SENP1: variants seen among roughly 807,000 people sequenced by gnomAD.
SENP1 encodes SUMO specific peptidase 1, also known as sentrin-specific protease 1.
In SENP1, 21 loss-of-function variants were observed where a neutral mutation model predicts 93.0. The ratio of observed to expected loss-of-function variants is 0.23; its 90% CI spans 0.16 to 0.33. The LOEUF (loss-of-function observed/expected upper bound fraction) is 0.33. Ranked by LOEUF, SENP1 falls within the 10% of genes least tolerant of loss-of-function variation. The probability of loss-of-function intolerance (pLI) is 1.00; values close to 1 mark genes in which losing one functional copy is unlikely to be tolerated. For synonymous variants in SENP1, 256 were observed against 259.6 expected (o/e 0.99, Z 0.13); for missense variants, 591 against 758.7 (o/e 0.78, Z 2.60).
intron 5 of SENP1, among the ~76,000 whole-genome samples, chr12:48,084,662 G>A (rs574485797): frequency 1.3e-5 from 2 of 152,124 alleles, no homozygotes; most frequent in African/African-American, 4.8e-5. Flanking sequence ...TAGCTAGGCT[G>A]ATCTTGAACT....
chr12:48,072,910 A>G (rs911841900), intron 8 of SENP1, among the ~76,000 whole-genome samples: 2 of 151,886 alleles, frequency 1.3e-5, no homozygotes, highest in African/African-American at 2.4e-5. Context: ...CCCCCCACAG[A>G]TAAGGGGGAA....
chr12:48,093,289 T>A (rs1017566773), intron 4 of SENP1, among the ~76,000 whole-genome samples: 2 of 150,764 alleles, frequency 1.3e-5, no homozygotes, highest in Non-Finnish European at 3.0e-5. Flanking sequence ...GGTTTTTTTT[T>A]TTTTTTTTTT....
In SENP1 at chr12:48,104,668, A is replaced by G. The variant is rs976715190; in HGVS notation, c.-45+1360T>C. 2.6e-5 allele frequency among the ~76,000 whole-genome samples: 4 copies of G among 152,116 alleles called. No homozygotes were observed. The South Asian group carries it at 8.3e-4, about 31-fold the overall frequency. On this transcript the variant is annotated intron_variant, in intron 1 of 17. Transcript: ENST00000549518. ...CAGATCCATAAACAGGTACCGCAAG[A>G]CAGTAGAGCTGGTACAACTGATAGA...
chr12:48,106,078 GCAAAACCCGGGAAC>G, exon 1 of SENP1: 1 of 702,546 alleles, frequency 1.4e-6, no homozygotes, highest in Non-Finnish European at 2.6e-6. Flanking sequence ...GGCGCGGAAC[GCAAAACCCGGGAAC>G]CGCCGCGAAC....
chr12:48,089,140 A>G lies in SENP1; in HGVS notation c.221-180T>C, dbSNP rs368249591. The stretch of plus-strand genomic sequence containing the variant: ...TGCAGTAGGGGAACTTCTACAAACT[A>G]TAATTGATTCAGCCATACTAACCTG... On this transcript the variant is annotated intron_variant, in intron 4 of 17. Coordinates refer to ENST00000549518, the MANE Select transcript of SENP1 (RefSeq NM_001267594.2). 5.1e-6 allele frequency: 8 copies of G among 1,575,074 alleles called. No individual in the cohort carries two copies. In the East Asian group the frequency reaches 1.8e-4, roughly 36 times the overall value.
In SENP1 at chr12:48,084,449, T is replaced by G. The variant is rs891936188; in HGVS notation, c.381-687A>C. Reference sequence around the variant, plus strand: ...TATCTAAGGCTTACTAATTTTGAGTTTTTTTTTTTTTTTTTTTTGAGATGG... The same window carrying G: ...TATCTAAGGCTTACTAATTTTGAGTGTTTTTTTTTTTTTTTTTTGAGATGG... On this transcript the variant is annotated intron_variant, in intron 5 of 17. Coordinates refer to ENST00000549518, the MANE Select transcript of SENP1 (RefSeq NM_001267594.2). 2.7e-3 allele frequency among the ~76,000 whole-genome samples: 75 copies of G among 27,438 alleles called. 1 individual carries two copies. Among genetic ancestry groups the G allele is most frequent in the African/African-American group, 0.015 (71 of 4,758 alleles). The allele number at this position is 27,438 out of a possible 152,430, so 18.0% of individuals were successfully genotyped here. A position where few individuals can be genotyped will look rare whatever the true frequency, so the allele number is the denominator to read the frequency against.
At position 48,074,807 on chromosome 12, in the gene SENP1, A is replaced by C. The variant is rs1943950781; in HGVS notation, c.553-14T>G. On this transcript the variant is annotated splice_polypyrimidine_tract_variant and intron_variant, in intron 6 of 17. Coordinates refer to ENST00000549518, the MANE Select transcript of SENP1 (RefSeq NM_001267594.2). ...TTCTTGAACTGTCTATAAGAAAACAAAAAAAAAAAACAGTTTAAACACATC... is the reference window on the plus strand; with the variant it reads ...TTCTTGAACTGTCTATAAGAAAACACAAAAAAAAAACAGTTTAAACACATC... 6.9e-7 allele frequency: 1 copy of C among 1,448,268 alleles called. No homozygotes were observed. Among genetic ancestry groups the C allele is most frequent in the African/African-American group, 1.4e-5 (1 of 70,338 alleles). The allele number at this position is 1,448,268 out of a possible 1,614,324, so 89.7% of individuals were successfully genotyped here. A position where few individuals can be genotyped will look rare whatever the true frequency, so the allele number is the denominator to read the frequency against.
rs1261529038 is a variant in SENP1 at position 48,056,228 on chromosome 12, G to C, written c.1408-7096C>G. Among the ~76,000 whole-genome samples, 3 of 109,622 alleles carry C rather than the reference G, an allele frequency of 2.7e-5. No individual in the cohort carries two copies. The East Asian group carries it at 8.4e-4, about 31-fold the overall frequency. The allele number at this position is 109,622 out of a possible 152,430, so 71.9% of individuals were successfully genotyped here. On this transcript the variant is annotated intron_variant, in intron 13 of 17. Transcript: ENST00000549518. ...TTATTTAATATATATTTAAAATGTA[G>C]TATATATTTTACATATAATATATAT...
At position 48,045,386 on chromosome 12, in the gene SENP1, T is replaced by C. The variant is rs1184449598; in HGVS notation, c.1873-2A>G. On this transcript the variant is annotated splice_acceptor_variant, in intron 17 of 17. Transcript: ENST00000549518. LOFTEE classifies it high-confidence loss of function. ...CTTCCGGAAGTATGGCATGTGTTGCTGTAGGGACACAGAGACACCCTTAAT... is the reference window on the plus strand; with the variant it reads ...CTTCCGGAAGTATGGCATGTGTTGCCGTAGGGACACAGAGACACCCTTAAT... 1 of 1,613,582 alleles carries C rather than the reference T, an allele frequency of 6.2e-7. No individual in the cohort carries two copies. The highest frequency in any genetic ancestry group is 8.5e-7 in the Non-Finnish European group (1 of 1,179,586).
intron 1 of SENP1, chr12:48,105,309 CAG>C: frequency 2.0e-6 from 1 of 505,434 alleles, no homozygotes; most frequent in Non-Finnish European, 4.0e-6. Context: ...CACCGATAAA[CAG>C]AAATCACCAA....
chr12:48,078,853 T>G (rs968882719), intron 6 of SENP1, among the ~76,000 whole-genome samples: 16 of 152,218 alleles, frequency 1.1e-4, no homozygotes, highest in African/African-American at 3.6e-4. Flanking sequence ...GTTAAACTGT[T>G]TTTGTTGTTG....
chr12:48,073,799 T>C (rs149880569), intron 8 of SENP1, among the ~76,000 whole-genome samples: 42 of 152,344 alleles, frequency 2.8e-4, no homozygotes, highest in African/African-American at 7.7e-4. Flanking sequence ...TGTAAAGTCA[T>C]AGAAACAGAG....
At chr12:48,055,719 T>C (rs1344639772) in intron 13 of SENP1, 2 of 150,602 alleles carry the variant, frequency 1.3e-5, no homozygotes, top group Non-Finnish European at 1.5e-5. Context: ...AATATCTCAA[T>C]AGTATTTTGA....
chr12:48,072,653 A>G (rs1472100139), intron 8 of SENP1, among the ~76,000 whole-genome samples: 1 of 152,122 alleles, frequency 6.6e-6, no homozygotes, highest in East Asian at 1.9e-4. Flanking sequence ...AACAAAAAAC[A>G]CTACTTCCTT....
chr12:48,054,343 C>A (rs939535426), intron 13 of SENP1, among the ~76,000 whole-genome samples: 4 of 152,062 alleles, frequency 2.6e-5, no homozygotes, highest in African/African-American at 9.7e-5. Flanking sequence ...ATGAACTGAC[C>A]CCTTTATCAT....
chr12:48,085,946 T>C (rs937248650), intron 5 of SENP1, among the ~76,000 whole-genome samples: 2 of 152,134 alleles, frequency 1.3e-5, no homozygotes, highest in African/African-American at 2.4e-5. Flanking sequence ...ATTACTCTTC[T>C]AAAGAAACAG....
In SENP1 at chr12:48,100,548, T is replaced by A. The variant is rs138214024; in HGVS notation, c.4+921A>T. 4.7e-3 allele frequency among the ~76,000 whole-genome samples: 722 copies of A among 152,226 alleles called. 7 individuals are homozygous for A. Among genetic ancestry groups the A allele is most frequent in the African/African-American group, 0.016 (647 of 41,524 alleles). ...TACCTGGGAGGCTGAGACAGGGGGA[T>A]TGCTTGAACCCAGGAGGCAGAGGTT... On this transcript the variant is annotated intron_variant, in intron 2 of 17. Transcript: ENST00000549518.
intron 9 of SENP1, among the ~76,000 whole-genome samples, chr12:48,068,576 G>A (rs1221749487): frequency 6.6e-6 from 1 of 152,116 alleles, no homozygotes; most frequent in African/African-American, 2.4e-5. Context: ...TCTTTCGACT[G>A]TGCCTTTCAA....
chr12:48,085,352 A>G, intron 5 of SENP1: 1 of 1,428,706 alleles, frequency 7.0e-7, no homozygotes. Context: ...AGGAGCACCC[A>G]TATGAGGACG....
Sources: gnomAD v4.1 joint callset for allele counts (sites outside exome capture counted in the v4.1 genomes callset) on GRCh38, gnomAD v4.1.1 for gene constraint, MANE v1.5 for transcripts, NCBI Gene and HGNC (gene_info 2026-07-23, HGNC 2026-07-21) for gene names.